Variants in ASCC3 observed in about 807,000 individuals in gnomAD.
ASCC3 encodes activating signal cointegrator 1 complex subunit 3, also known as ASC-1 complex subunit P200.
A neutral mutation model predicts 256.3 loss-of-function variants in ASCC3; 158 were observed. The ratio of observed to expected loss-of-function variants is 0.62; its 90% CI spans 0.54 to 0.70. The LOEUF is 0.70. ASCC3 is among the 30% of genes least tolerant of loss of function. The probability of loss-of-function intolerance (pLI) is 0.00; values close to 1 mark genes in which losing one functional copy is unlikely to be tolerated. For synonymous variants in ASCC3, 948 were observed against 883.4 expected, an observed-to-expected ratio of 1.07 and a Z score of -1.30; for missense variants, 2,259 against 2,626.0, an observed-to-expected ratio of 0.86 and a Z score of 3.05.
At position 100,766,627 on chromosome 6, in the gene ASCC3, T is replaced by C. The variant is rs765345951; in HGVS notation, c.1675A>G (p.Ile559Val). Residue 559 changes from isoleucine to valine, a missense_variant, in exon 10 of 42, where the codon ATC becomes GTC. Around this residue, in one of 2 missense-constraint regions of ASCC3, gnomAD observed 1,839 missense variants for 2,206.7 expected, o/e 0.83. Coordinates refer to ENST00000369162, the MANE Select transcript of ASCC3 (RefSeq NM_006828.4). ...YFSRRLEPLG[I>V]IVKELTGDMQ... ...TCACCAGTCAATTCTTTCACAATGATGCCTAGTGGCTCTAGACGTCTGCTG... is the reference window on the plus strand; with the variant it reads ...TCACCAGTCAATTCTTTCACAATGACGCCTAGTGGCTCTAGACGTCTGCTG... 3.2e-5 allele frequency: 52 copies of C among 1,613,942 alleles called. No individual in the cohort carries two copies. Among genetic ancestry groups the C allele is most frequent in the Non-Finnish European group, 4.4e-5 (52 of 1,179,958 alleles).
intron 36 of ASCC3, among the ~76,000 whole-genome samples, chr6:100,546,936 AT>A (rs1228046490): frequency 6.6e-6 from 1 of 151,536 alleles, no homozygotes; most frequent in African/African-American, 2.4e-5. Context: ...GAAGAAGATA[AT>A]TTTTTTTTGA....
At chr6:100,653,743 T>C (rs1289867419) in intron 17 of ASCC3, among the ~76,000 whole-genome samples, 3 of 152,056 alleles carry the variant, frequency 2.0e-5, no homozygotes, top group African/African-American at 4.8e-5. Flanking sequence ...TGAATTTTTG[T>C]ATAGTTTTAA....
At chr6:100,673,098 T>C (rs1281484197) in intron 14 of ASCC3, among the ~76,000 whole-genome samples, 1 of 152,138 alleles carries the variant, frequency 6.6e-6, no homozygotes, top group Non-Finnish European at 1.5e-5. Flanking sequence ...CTCTGTTTCA[T>C]GTCATATTCC....
At chr6:100,647,509 A>G (rs1775441185) in intron 20 of ASCC3, 58 bp from the exon 21 acceptor site, 4 of 1,444,386 alleles carry the variant, frequency 2.8e-6, no homozygotes, top group Non-Finnish European at 3.9e-6. Context: ...AAATTTGTCA[A>G]TAAATCTATT....
At chr6:100,684,344 A>C (rs1167658944) in intron 13 of ASCC3, among the ~76,000 whole-genome samples, 1 of 152,222 alleles carries the variant, frequency 6.6e-6, no homozygotes, top group Non-Finnish European at 1.5e-5. Flanking sequence ...TGGTGGCTCT[A>C]AAATTTTAGA....
At chr6:100,640,095 A>G (rs1488144214) in intron 24 of ASCC3, among the ~76,000 whole-genome samples, 1 of 152,146 alleles carries the variant, frequency 6.6e-6, no homozygotes, top group Non-Finnish European at 1.5e-5. Flanking sequence ...AGCCTGGGTG[A>G]AAGAGTGAAA....
intron 30 of ASCC3, among the ~76,000 whole-genome samples, chr6:100,617,169 T>C (rs1379044205): frequency 6.6e-6 from 1 of 152,060 alleles, no homozygotes; most frequent in Non-Finnish European, 1.5e-5. Flanking sequence ...CATGCTCAGC[T>C]AATTTTTGTA....
chr6:100,787,067 T>C (rs1241659817), intron 8 of ASCC3, among the ~76,000 whole-genome samples: 2 of 152,154 alleles, frequency 1.3e-5, no homozygotes, highest in Admixed American at 1.3e-4. Context: ...GCCTGCCTCC[T>C]GGTGTTCATG....
At chr6:100,620,344 G>A (rs539889293) in intron 30 of ASCC3, among the ~76,000 whole-genome samples, 15 of 152,254 alleles carry the variant, frequency 9.9e-5, no homozygotes, top group South Asian at 2.1e-4. Context: ...AATATGGAAA[G>A]GTATTTCCTT....
intron 33 of ASCC3, among the ~76,000 whole-genome samples, chr6:100,604,605 C>CT (rs879738664): frequency 8.1e-4 from 118 of 145,182 alleles, no homozygotes; most frequent in African/African-American, 1.1e-3. Context: ...GCCTGGCTAA[C>CT]TTTTTTTTTT....
At position 100,768,875 on chromosome 6, in the gene ASCC3, G is replaced by A. The variant is rs557105330; in HGVS notation, c.1396-1530C>T. Among the ~76,000 whole-genome samples the A allele has an allele frequency of 2.4e-4, 36 of 152,192 alleles. 2 individuals carry two copies. In the South Asian group the frequency reaches 6.2e-3, roughly 26 times the overall value. On this transcript the variant is annotated intron_variant, in intron 8 of 41. Coordinates refer to ENST00000369162, the MANE Select transcript of ASCC3 (RefSeq NM_006828.4). ...GACAGTCATACAAAGCATATTCTCTGACTGCAATGGAATTATATCAGGTAC... is the reference window on the plus strand; with the variant it reads ...GACAGTCATACAAAGCATATTCTCTAACTGCAATGGAATTATATCAGGTAC...
intron 32 of ASCC3, 60 bp downstream of exon 32, chr6:100,606,680 T>C: frequency 6.6e-7 from 1 of 1,506,342 alleles, no homozygotes; most frequent in Non-Finnish European, 8.9e-7. Context: ...ATTATTCAAA[T>C]TCAAATTTAC....
intron 4 of ASCC3, among the ~76,000 whole-genome samples, chr6:100,826,225 G>A (rs536586509): frequency 1.3e-5 from 2 of 151,800 alleles, no homozygotes; most frequent in African/African-American, 4.8e-5. Flanking sequence ...TCTGCCTCCC[G>A]GATTCAAGCA....
At chr6:100,723,540 TA>T (rs1373237165) in intron 11 of ASCC3, among the ~76,000 whole-genome samples, 2 of 151,604 alleles carry the variant, frequency 1.3e-5, no homozygotes, top group East Asian at 3.9e-4. Flanking sequence ...TTCGAACTTT[TA>T]AAAAATACAT....
chr6:100,789,616 G>T (rs1017521027), intron 8 of ASCC3, among the ~76,000 whole-genome samples: 1 of 151,866 alleles, frequency 6.6e-6, no homozygotes, highest in Non-Finnish European at 1.5e-5. Flanking sequence ...ACTCTGGAAA[G>T]AACAAAGTAC....
chr6:100,785,529 G>A (rs897255820), intron 8 of ASCC3, among the ~76,000 whole-genome samples: 1 of 151,994 alleles, frequency 6.6e-6, no homozygotes, highest in Non-Finnish European at 1.5e-5. Context: ...AGCCTCCAGA[G>A]TACCTAGGAC....
At chr6:100,680,912 G>C (rs1048706982) in intron 13 of ASCC3, among the ~76,000 whole-genome samples, 4 of 152,140 alleles carry the variant, frequency 2.6e-5, no homozygotes, top group African/African-American at 9.7e-5. Context: ...TCAGGGAATC[G>C]ATAGGCTCAT....
At chr6:100,861,398 AT>A (rs1271723416) in intron 3 of ASCC3, among the ~76,000 whole-genome samples, 2 of 152,044 alleles carry the variant, frequency 1.3e-5, no homozygotes, top group African/African-American at 4.8e-5. Context: ...CAAGTGAAAT[AT>A]TTTTTTCTTT....
intron 36 of ASCC3, among the ~76,000 whole-genome samples, chr6:100,563,118 A>G (rs1046550783): frequency 2.6e-5 from 4 of 151,982 alleles, no homozygotes; most frequent in African/African-American, 9.7e-5. Context: ...TATGATTAAA[A>G]TTTTTTAATA....
Sources: allele counts gnomAD v4.1 joint callset (sites outside exome capture counted in the v4.1 genomes callset), GRCh38; gene constraint gnomAD v4.1.1; regional missense constraint gnomAD v4.1.1; transcripts MANE v1.5; gene names NCBI Gene and HGNC (gene_info 2026-07-23, HGNC 2026-07-21).